Variants in ARHGAP24 observed in about 807,000 individuals in gnomAD.
ARHGAP24 encodes the protein Rho GTPase activating protein 24.
ARHGAP24 carries 50 observed loss-of-function variants against 76.4 expected under a neutral mutation model. The observed-to-expected ratio is 0.65, with a 90% confidence interval of 0.52 to 0.83. ARHGAP24 has a LOEUF of 0.83. ARHGAP24 is among the 40% of genes least tolerant of loss of function. ARHGAP24 has a pLI of 0.00. For synonymous variants in ARHGAP24, 345 were observed against 323.3 expected, an observed-to-expected ratio of 1.07 and a Z score of -0.72; for missense variants, 930 against 914.2, an observed-to-expected ratio of 1.02 and a Z score of -0.22.
chr4:85,649,568 TA>T (rs1721857674), intron 2 of ARHGAP24, among the ~76,000 whole-genome samples: 1 of 152,152 alleles, frequency 6.6e-6, no homozygotes, highest in Non-Finnish European at 1.5e-5. Flanking sequence ...CAGATTGATT[TA>T]ATTCCCCATT....
chr4:85,558,694 T>G (rs1482075855), intron 1 of ARHGAP24, among the ~76,000 whole-genome samples: 2 of 152,234 alleles, frequency 1.3e-5, no homozygotes, highest in Non-Finnish European at 2.9e-5. Flanking sequence ...CTAATCATTT[T>G]GCTAGGCTTT....
At chr4:85,815,199 G>GTT (rs1729185846) in intron 3 of ARHGAP24, among the ~76,000 whole-genome samples, 1 of 152,060 alleles carries the variant, frequency 6.6e-6, no homozygotes, top group Non-Finnish European at 1.5e-5. Flanking sequence ...CTGCCATGAA[G>GTT]ACCTCTGACA....
chr4:85,629,188 T>C (rs1466172962), intron 2 of ARHGAP24, among the ~76,000 whole-genome samples: 1 of 152,164 alleles, frequency 6.6e-6, no homozygotes, highest in African/African-American at 2.4e-5. Context: ...GTTATAACAG[T>C]CTATTGCTAG....
At chr4:85,878,714 A>G (rs1159384838) in intron 3 of ARHGAP24, among the ~76,000 whole-genome samples, 1 of 152,152 alleles carries the variant, frequency 6.6e-6, no homozygotes, top group Non-Finnish European at 1.5e-5. Context: ...AAAAGTCCCC[A>G]AAGTACTTGT....
At chr4:85,837,324 A>T (rs1730344696) in intron 3 of ARHGAP24, among the ~76,000 whole-genome samples, 1 of 152,208 alleles carries the variant, frequency 6.6e-6, no homozygotes, top group Non-Finnish European at 1.5e-5. Flanking sequence ...CTGTCAAGGG[A>T]AAACATTTTC....
At chr4:85,608,279 T>G (rs999844619) in intron 2 of ARHGAP24, among the ~76,000 whole-genome samples, 13 of 152,098 alleles carry the variant, frequency 8.5e-5, no homozygotes, top group African/African-American at 3.1e-4. Flanking sequence ...TAATATGGAA[T>G]TTTTTTAAGG....
intron 3 of ARHGAP24, among the ~76,000 whole-genome samples, chr4:85,753,615 G>A (rs1560616401): frequency 6.6e-6 from 1 of 152,174 alleles, no homozygotes; most frequent in Non-Finnish European, 1.5e-5. Context: ...TTACGCACTG[G>A]TTAATGGCTT....
intron 1 of ARHGAP24, among the ~76,000 whole-genome samples, chr4:85,562,577 C>A (rs1451167070): frequency 6.6e-6 from 1 of 152,130 alleles, no homozygotes; most frequent in Non-Finnish European, 1.5e-5. Flanking sequence ...TTGACTCTTG[C>A]CCCTTCTCTC....
intron 3 of ARHGAP24, chr4:85,827,975 G>C (rs1469867119): frequency 2.3e-6 from 3 of 1,289,738 alleles, no homozygotes; most frequent in Non-Finnish European, 3.0e-6. Flanking sequence ...GTTTGTGCAA[G>C]GTGAGAGCTG....
chr4:85,587,452 C>T (rs1193622984), intron 2 of ARHGAP24, among the ~76,000 whole-genome samples: 2 of 152,128 alleles, frequency 1.3e-5, no homozygotes, highest in African/African-American at 4.8e-5. Flanking sequence ...TAGCAGATCA[C>T]ATGAATGTTG....
intron 1 of ARHGAP24, among the ~76,000 whole-genome samples, chr4:85,487,013 C>A (rs1366804083): frequency 6.6e-6 from 1 of 151,476 alleles, no homozygotes; most frequent in Non-Finnish European, 1.5e-5. Context: ...TTTCAAGAAC[C>A]TTTGTAATGT....
intron 9 of ARHGAP24, among the ~76,000 whole-genome samples, chr4:85,999,304 A>T (rs1740866298): frequency 6.6e-6 from 1 of 152,240 alleles, no homozygotes; most frequent in Admixed American, 6.5e-5. Context: ...AAATGTGGTC[A>T]TATGTTTAAA....
intron 1 of ARHGAP24, among the ~76,000 whole-genome samples, chr4:85,534,604 G>T (rs1397837419): frequency 6.6e-6 from 1 of 152,154 alleles, no homozygotes; most frequent in Non-Finnish European, 1.5e-5. Flanking sequence ...AGGAAAAATT[G>T]ATAAAGGTCT....
intron 2 of ARHGAP24, among the ~76,000 whole-genome samples, chr4:85,628,424 C>T (rs62317211): frequency 0.094 from 14,248 of 152,060 alleles, 947 homozygotes; most frequent in East Asian, 0.28. Context: ...GATAATGTTC[C>T]ATGCATGCTT....
intron 5 of ARHGAP24, among the ~76,000 whole-genome samples, chr4:85,957,952 A>T (rs2148838626): frequency 6.6e-6 from 1 of 152,308 alleles, no homozygotes; most frequent in Non-Finnish European, 1.5e-5. Context: ...CTTTCCTTTC[A>T]ATTTATCTTT....
chr4:85,945,776 A>C (rs1276187579), intron 5 of ARHGAP24, among the ~76,000 whole-genome samples: 1 of 151,844 alleles, frequency 6.6e-6, no homozygotes, highest in Admixed American at 6.6e-5. Flanking sequence ...AAAAAAAAAA[A>C]AAATTATACA....
chr4:85,782,052 G>GA (rs1342695240), intron 3 of ARHGAP24, among the ~76,000 whole-genome samples: 5 of 40,534 alleles, frequency 1.2e-4, no homozygotes, highest in African/African-American at 1.8e-4. Context: ...AAAAAAAAAA[G>GA]AAAAAAAAAA....
chr4:85,766,587 A>G (rs1578208626), intron 3 of ARHGAP24, among the ~76,000 whole-genome samples: 1 of 152,118 alleles, frequency 6.6e-6, no homozygotes, highest in African/African-American at 2.4e-5. Context: ...CCCCACATCT[A>G]TTGGCAGAAT....
chr4:85,828,910 A>T (rs1483512871), intron 3 of ARHGAP24, among the ~76,000 whole-genome samples: 7 of 152,110 alleles, frequency 4.6e-5, no homozygotes, highest in Admixed American at 1.3e-4. Flanking sequence ...AAAGTATAGG[A>T]ATTTGGTACT....
Sources: gnomAD v4.1 joint callset for allele counts (sites outside exome capture counted in the v4.1 genomes callset) on GRCh38, gnomAD v4.1.1 for gene constraint, MANE v1.5 for transcripts, NCBI Gene and HGNC (gene_info 2026-07-23, HGNC 2026-07-21) for gene names.